Variants in RNF121 observed in about 807,000 individuals in gnomAD.
RNF121 encodes the protein ring finger protein 121.
RNF121 carries 21 observed loss-of-function variants against 46.5 expected under a neutral mutation model. The observed-to-expected ratio is 0.45, with a 90% CI of 0.32 to 0.65. RNF121 has a LOEUF of 0.65. Among genes scored for constraint, RNF121 ranks in the 30% least tolerant of loss-of-function variants. RNF121 has a pLI of 0.04. For missense variants in RNF121, 346 were observed against 416.0 expected, an observed-to-expected ratio of 0.83 and a Z score of 1.46; for synonymous variants, 139 against 144.7, an observed-to-expected ratio of 0.96 and a Z score of 0.28.
intron 3 of RNF121, among the ~76,000 whole-genome samples, chr11:71,977,757 C>T (rs1954557826): frequency 6.6e-6 from 1 of 152,202 alleles, no homozygotes; most frequent in Admixed American, 6.5e-5. Flanking sequence ...ACAGCTCCTG[C>T]CTCATCTTTC....
At chr11:71,974,603 C>T (rs1252033396) in intron 3 of RNF121, among the ~76,000 whole-genome samples, 1 of 152,176 alleles carries the variant, frequency 6.6e-6, no homozygotes, top group Non-Finnish European at 1.5e-5. Flanking sequence ...AAATCTGATT[C>T]TTGGTTAAGT....
At chr11:71,947,638 A>G (rs997683943) in intron 1 of RNF121, among the ~76,000 whole-genome samples, 1 of 152,188 alleles carries the variant, frequency 6.6e-6, no homozygotes, top group African/African-American at 2.4e-5. Context: ...GAGTGGTGAA[A>G]TAAGGTCGCT....
intron 3 of RNF121, among the ~76,000 whole-genome samples, chr11:71,969,885 G>A (rs921341463): frequency 1.3e-5 from 2 of 152,106 alleles, no homozygotes; most frequent in African/African-American, 2.4e-5. Context: ...ATTTTAAAAA[G>A]CAAGGGAATA....
intron 1 of RNF121, among the ~76,000 whole-genome samples, chr11:71,950,657 C>CT (rs902209306): frequency 6.6e-6 from 1 of 150,868 alleles, no homozygotes; most frequent in Non-Finnish European, 1.5e-5. Context: ...AGGCATCTTA[C>CT]TTTTTTTTTG....
intron 1 of RNF121, among the ~76,000 whole-genome samples, chr11:71,935,846 CT>C (rs994241423): frequency 0.029 from 3,271 of 114,710 alleles, 13 homozygotes; most frequent in Middle Eastern, 0.067. Flanking sequence ...TATTCTTTTT[CT>C]TTTTTTTTTT....
rs964093324 is a variant in RNF121, at chr11:71,966,903, C to T, written c.243+6012C>T. On this transcript the variant is annotated intron_variant, in intron 3 of 8. Transcript: ENST00000361756. ...TTTTTGAGACGGAATCTCACTCTGT[C>T]ACCCAGGCCGGACTGCGGACTGCAG... 1.2e-3 allele frequency among the ~76,000 whole-genome samples: 176 copies of T among 146,244 alleles called. 2 individuals are homozygous for T. The highest frequency in any genetic ancestry group is 7.3e-3 in the Middle Eastern group (2 of 274).
At chr11:71,933,571 A>G (rs1002605595) in intron 1 of RNF121, among the ~76,000 whole-genome samples, 1 of 152,202 alleles carries the variant, frequency 6.6e-6, no homozygotes, top group Non-Finnish European at 1.5e-5. Context: ...AGAACCCCTA[A>G]GGTGCTTGAA....
rs895939170 is a variant in RNF121 at position 71,935,812 on chromosome 11, C to CTGAA, written c.63+6701_63+6704dup. ...GTACTGAGTAAATACTAGTGAATGA[C>CTGAA]TGAATGAATGAATGAAGACATAATA... On this transcript the variant is annotated intron_variant, in intron 1 of 8. Transcript: ENST00000361756. Among the ~76,000 whole-genome samples the CTGAA allele has an allele frequency of 9.3e-5, 14 of 150,256 alleles. No homozygotes were observed. In the East Asian group the frequency reaches 1.4e-3, roughly 15 times the overall value.
chr11:71,992,769 C>G (rs975734018), intron 6 of RNF121, among the ~76,000 whole-genome samples: 13 of 152,204 alleles, frequency 8.5e-5, no homozygotes, highest in African/African-American at 3.1e-4. Flanking sequence ...AGGTGGACAT[C>G]ACGGAGAGAT....
At chr11:71,968,085 G>A (rs1240483079) in intron 3 of RNF121, among the ~76,000 whole-genome samples, 1 of 148,886 alleles carries the variant, frequency 6.7e-6, no homozygotes, top group African/African-American at 2.5e-5. Flanking sequence ...TTTTTAAGAT[G>A]AAGTCCTGCT....
At chr11:71,972,702 A>G (rs1225724796) in intron 3 of RNF121, among the ~76,000 whole-genome samples, 2 of 152,050 alleles carry the variant, frequency 1.3e-5, no homozygotes, top group East Asian at 3.9e-4. Flanking sequence ...AGATGTCTCC[A>G]GACTGCCAAA....
chr11:71,941,317 T>C lies in RNF121; in HGVS notation c.63+12193T>C, dbSNP rs1370665730. ...TGTTAAATAGCAGTGCTTTCACTTATTTATGTTTTGCCCTTTATTTCTCTC... is the reference window on the plus strand; with the variant it reads ...TGTTAAATAGCAGTGCTTTCACTTACTTATGTTTTGCCCTTTATTTCTCTC... On this transcript the variant is annotated intron_variant, in intron 1 of 8. Coordinates refer to ENST00000361756, the MANE Select transcript of RNF121 (RefSeq NM_018320.5). 2.6e-5 allele frequency among the ~76,000 whole-genome samples: 4 copies of C among 152,258 alleles called. No individual in the cohort carries two copies. In the East Asian group the frequency reaches 7.7e-4, roughly 29 times the overall value.
At chr11:71,961,641 C>T (rs1032361241) in intron 3 of RNF121, among the ~76,000 whole-genome samples, 1 of 152,166 alleles carries the variant, frequency 6.6e-6, no homozygotes, top group African/African-American at 2.4e-5. Flanking sequence ...AGCAAAATGG[C>T]AGAAGTTAAT....
chr11:71,940,445 G>A (rs1052376151), intron 1 of RNF121, among the ~76,000 whole-genome samples: 1 of 152,180 alleles, frequency 6.6e-6, no homozygotes, highest in Non-Finnish European at 1.5e-5. Context: ...TGGATGATTT[G>A]AATTTCATTA....
At chr11:71,973,595 T>C (rs1235910874) in intron 3 of RNF121, among the ~76,000 whole-genome samples, 1 of 152,126 alleles carries the variant, frequency 6.6e-6, no homozygotes, top group Non-Finnish European at 1.5e-5. Context: ...AAGACCAGCC[T>C]GACCAACATG....
At chr11:71,939,855 T>C (rs1953523342) in intron 1 of RNF121, among the ~76,000 whole-genome samples, 1 of 152,238 alleles carries the variant, frequency 6.6e-6, no homozygotes, top group Non-Finnish European at 1.5e-5. Context: ...ACAAAGAGAC[T>C]ATCTCTGCTC....
chr11:71,969,733 T>A (rs1022038898), intron 3 of RNF121, among the ~76,000 whole-genome samples: 2 of 152,052 alleles, frequency 1.3e-5, no homozygotes, highest in South Asian at 2.1e-4. Context: ...CTGGCTAATT[T>A]AAAAATTTTT....
In RNF121 at chr11:71,995,899, C is replaced by A. The variant is rs1565165901; in HGVS notation, c.864-296C>A. Reference sequence around the variant, plus strand: ...TGGGGAACTAGGATTTATCTCTATACCTCTCTCAGGGCTGCCCTGCCTCCA... The same window carrying A: ...TGGGGAACTAGGATTTATCTCTATAACTCTCTCAGGGCTGCCCTGCCTCCA... On this transcript the variant is annotated intron_variant, in intron 8 of 8. Coordinates refer to ENST00000361756, the MANE Select transcript of RNF121 (RefSeq NM_018320.5). Among the ~76,000 whole-genome samples, 3 of 152,190 alleles carry A rather than the reference C, an allele frequency of 2.0e-5. No homozygotes were observed. In the South Asian group the frequency reaches 6.2e-4, roughly 31 times the overall value.
At chr11:71,949,159 T>C (rs868158038) in intron 1 of RNF121, among the ~76,000 whole-genome samples, 8 of 152,226 alleles carry the variant, frequency 5.3e-5, no homozygotes, top group African/African-American at 1.9e-4. Context: ...GGTTCACGCC[T>C]GTAATCCTAG....
Sources: allele counts gnomAD v4.1 joint callset (sites outside exome capture counted in the v4.1 genomes callset), GRCh38; gene constraint gnomAD v4.1.1; transcripts MANE v1.5; gene names NCBI Gene and HGNC (gene_info 2026-07-23, HGNC 2026-07-21).